The following MCF2L variants were observed in gnomAD, a reference collection of about 807,000 sequenced individuals.
MCF2L encodes the protein MCF.2 cell line derived transforming sequence like.
A neutral mutation model predicts 153.4 loss-of-function variants in MCF2L; 97 were observed. The observed-to-expected ratio is 0.63, with a 90% confidence interval of 0.54 to 0.75. The LOEUF (loss-of-function observed/expected upper bound fraction) is 0.75, where lower values mean the gene tolerates loss of function less well. MCF2L is among the 30% of genes least tolerant of loss of function. The pLI, the probability that MCF2L is intolerant of heterozygous loss-of-function variation, is 0.00. For missense variants in MCF2L, 1,347 were observed against 1,495.2 expected, an observed-to-expected ratio of 0.90 and a Z score of 1.64; for synonymous variants, 659 against 632.2, an observed-to-expected ratio of 1.04 and a Z score of -0.64.
rs1239216265 is a variant in MCF2L at position 113,098,333 on chromosome 13, C to G, written c.*1474C>G. 6.6e-6 allele frequency: 1 copy of G among 152,616 alleles called. No homozygotes were observed. The highest frequency in any genetic ancestry group is 1.9e-4 in the East Asian group (1 of 5,200). 9.5% of individuals were successfully genotyped at this position (152,616 alleles called of 1,614,324 possible). On this transcript the variant is annotated 3_prime_UTR_variant, in exon 30 of 30. Transcript: ENST00000535094. ...ATGTGTAAGTTATTTGGAACGCGTG[C>G]TGTGTCCCGCGATGTCCCTGATGTA...
At chr13:113,049,024 C>T (rs2087023478) in intron 4 of MCF2L, among the ~76,000 whole-genome samples, 1 of 152,036 alleles carries the variant, frequency 6.6e-6, no homozygotes, top group South Asian at 2.1e-4. Context: ...TTCCTGTCCC[C>T]AGGCCCCTGC....
intron 27 of MCF2L, 50 bp from the exon 28 acceptor site, chr13:113,096,321 T>A: frequency 7.1e-7 from 1 of 1,406,758 alleles, no homozygotes; most frequent in Non-Finnish European, 9.8e-7. Context: ...GTGGGGCTGC[T>A]GCCGGGGCGG....
intron 3 of MCF2L, among the ~76,000 whole-genome samples, chr13:113,034,847 C>G (rs1315159073): frequency 2.0e-5 from 3 of 151,994 alleles, no homozygotes; most frequent in Non-Finnish European, 4.4e-5. Context: ...GCTGCTGTGG[C>G]CAAAGAGCCA....
intron 1 of MCF2L, among the ~76,000 whole-genome samples, chr13:112,976,565 G>A (rs113078067): frequency 1.3e-5 from 2 of 152,186 alleles, no homozygotes; most frequent in Non-Finnish European, 2.9e-5. Flanking sequence ...TGTGGCGGAC[G>A]GCAGTGTGTG....
rs980284140 is a variant in MCF2L at position 112,960,475 on chromosome 13, G to C, written c.170-54288G>C. Among the ~76,000 whole-genome samples the C allele has an allele frequency of 6.6e-6, 1 of 152,104 alleles. No individual in the cohort carries two copies. The highest frequency in any genetic ancestry group is 2.1e-4 in the South Asian group (1 of 4,824). ...ACTGCCTTGTCCCCTGCTCATTTTG[G>C]TTGTTGCATTGAAATGTGGGTGTGA... is the stretch of plus-strand genomic sequence containing the variant. On this transcript the variant is annotated intron_variant, in intron 2 of 29. Transcript: ENST00000375608. This position sits in a 1 kb window ranked among gnomAD's most constrained non-coding sequence, Gnocchi z 4.2.
At chr13:113,024,595 CG>C in intron 2 of MCF2L, 48 bp from the exon 3 acceptor site, 2 of 1,284,208 alleles carry the variant, frequency 1.6e-6, no homozygotes, top group Non-Finnish European at 2.3e-6. Flanking sequence ...GTGGAACCCC[CG>C]GGGGCATGGA....
intron 1 of MCF2L, among the ~76,000 whole-genome samples, chr13:112,897,809 A>T (rs963733359): frequency 1.3e-5 from 2 of 152,204 alleles, no homozygotes; most frequent in African/African-American, 4.8e-5. Context: ...TGAGGCAGAG[A>T]CATGGCAGGT....
At position 112,936,459 on chromosome 13, in the gene MCF2L, C is replaced by G. The variant is rs551695067; in HGVS notation, c.169+34088C>G. Among the ~76,000 whole-genome samples the G allele has an allele frequency of 1.8e-4, 27 of 152,214 alleles. 1 individual carries two copies. The East Asian group carries it at 5.2e-3, about 29-fold the overall frequency. On this transcript the variant is annotated intron_variant, in intron 2 of 29. Transcript: ENST00000375608. The stretch of plus-strand genomic sequence containing the variant: ...CCTAATCACCCTCTGCCGTCTAATG[C>G]AGTTAATGAGCTTTGGGTGAAAGGC...
intron 1 of MCF2L, among the ~76,000 whole-genome samples, chr13:112,974,082 G>T (rs2082138541): frequency 6.6e-6 from 1 of 151,928 alleles, no homozygotes; most frequent in South Asian, 2.1e-4. Flanking sequence ...GTGCCTCATT[G>T]CCCGGCACTT....
intron 2 of MCF2L, among the ~76,000 whole-genome samples, chr13:113,022,239 G>A (rs980790338): frequency 6.6e-6 from 1 of 151,512 alleles, no homozygotes; most frequent in South Asian, 2.1e-4. Flanking sequence ...CTCCCAGGCT[G>A]CCTCCACGTT....
In MCF2L at chr13:113,048,480, G is replaced by T. The variant is rs1227076172; in HGVS notation, c.369+3119G>T. On this transcript the variant is annotated intron_variant, in intron 4 of 29. Transcript: ENST00000535094. ...TTTTGAGACGGAGTCTCATTCTTTCGCCCAGGCCGGACTGCAGTGGCGCGA... is the reference window on the plus strand; with the variant it reads ...TTTTGAGACGGAGTCTCATTCTTTCTCCCAGGCCGGACTGCAGTGGCGCGA... Among the ~76,000 whole-genome samples, 3 of 113,118 alleles carry T rather than the reference G, an allele frequency of 2.7e-5. No homozygotes were observed. The South Asian group carries it at 9.0e-4, about 34-fold the overall frequency. The allele number at this position is 113,118 out of a possible 152,430, so 74.2% of individuals were successfully genotyped here.
At chr13:112,957,228 C>T (rs957304378) in intron 2 of MCF2L, 1 of 152,258 alleles carries the variant, frequency 6.6e-6, no homozygotes, top group East Asian at 1.9e-4. Context: ...AGGGGCTGCT[C>T]TTACAAATGC....
intron 26 of MCF2L, 61 bp downstream of exon 26, chr13:113,089,789 G>A: frequency 6.3e-7 from 1 of 1,593,082 alleles, no homozygotes; most frequent in Non-Finnish European, 8.6e-7. Context: ...CTCACGGAGT[G>A]CTCACTGCAT....
intron 1 of MCF2L, among the ~76,000 whole-genome samples, chr13:112,988,875 A>G (rs1328340457): frequency 9.2e-6 from 1 of 109,076 alleles, no homozygotes; most frequent in Non-Finnish European, 1.9e-5. Context: ...CAGGGGATGG[A>G]GCTACCACGC....
At chr13:113,063,480 G>A (rs575248758) in intron 5 of MCF2L, among the ~76,000 whole-genome samples, 13 of 149,278 alleles carry the variant, frequency 8.7e-5, no homozygotes, top group African/African-American at 2.0e-4. Context: ...CAGCGTTCAG[G>A]CGTCCCTGTC....
intron 2 of MCF2L, among the ~76,000 whole-genome samples, chr13:112,910,942 T>C (rs927650408): frequency 9.2e-5 from 13 of 141,236 alleles, no homozygotes; most frequent in African/African-American, 3.5e-4. Flanking sequence ...AACAGCTGCG[T>C]GTAAATGAAG....
chr13:113,082,808 G>C lies in MCF2L; in HGVS notation c.1991+266G>C, dbSNP rs369243008. 5.9e-5 allele frequency among the ~76,000 whole-genome samples: 9 copies of C among 152,282 alleles called. No homozygotes were observed. In the East Asian group the frequency reaches 1.7e-3, roughly 30 times the overall value. Reference sequence around the variant, plus strand: ...GCCGTGAGGAGAGGGCTCTGAGCCCGAGTGCGCCCTGTTTTGTGGTGCAGG... The same window carrying C: ...GCCGTGAGGAGAGGGCTCTGAGCCCCAGTGCGCCCTGTTTTGTGGTGCAGG... On this transcript the variant is annotated intron_variant, in intron 17 of 29. Coordinates refer to ENST00000535094, the MANE Select transcript of MCF2L (RefSeq NM_001112732.3).
intron 2 of MCF2L, chr13:112,956,513 A>G (rs1416569646): frequency 6.6e-6 from 1 of 152,268 alleles, no homozygotes; most frequent in African/African-American, 2.4e-5. Context: ...TATAAAATTC[A>G]TTGTTAAAAT....
intron 3 of MCF2L, chr13:113,040,220 G>C (rs1383130626): frequency 1.3e-5 from 2 of 152,194 alleles, no homozygotes; most frequent in Non-Finnish European, 2.9e-5. Context: ...CACCCTGGAC[G>C]GTGGGAACGG....
Sources: allele counts gnomAD v4.1 joint callset (sites outside exome capture counted in the v4.1 genomes callset), GRCh38; gene constraint gnomAD v4.1.1; non-coding constraint Gnocchi (gnomAD v3.1); transcripts MANE v1.5; gene names NCBI Gene and HGNC (gene_info 2026-07-23, HGNC 2026-07-21).